ZW10: variants seen among roughly 807,000 people sequenced by gnomAD.
ZW10 encodes the protein centromere/kinetochore protein zw10 homolog.
Under a neutral mutation model 87.8 loss-of-function variants are expected in ZW10, and 53 were observed. The observed-to-expected ratio is 0.60, with a 90% confidence interval of 0.48 to 0.76. The LOEUF is 0.76. Ranked by LOEUF, ZW10 falls within the 30% of genes least tolerant of loss-of-function variation. ZW10 has a pLI of 0.00. For missense variants in ZW10, 837 were observed against 923.0 expected, an observed-to-expected ratio of 0.91 and a Z score of 1.21; for synonymous variants, 312 against 329.2, an observed-to-expected ratio of 0.95 and a Z score of 0.57.
intron 3 of ZW10, 92 bp from the exon 4 acceptor site, chr11:113,760,682 TC>T (rs1953848346): frequency 1.8e-5 from 13 of 707,728 alleles, no homozygotes; most frequent in East Asian, 6.9e-5. Flanking sequence ...TCCCTCCCCC[TC>T]CCCCCTCTAA....
intron 9 of ZW10, among the ~76,000 whole-genome samples, chr11:113,746,436 T>C (rs1218535978): frequency 6.9e-6 from 1 of 145,090 alleles, no homozygotes; most frequent in Non-Finnish European, 1.5e-5. Context: ...TACATAGTAG[T>C]AGTATGTATG....
At chr11:113,772,487 A>C (rs181703285) in intron 1 of ZW10, among the ~76,000 whole-genome samples, 181 of 152,308 alleles carry the variant, frequency 1.2e-3, no homozygotes, top group African/African-American at 3.8e-3. Flanking sequence ...TACTTGACTC[A>C]GATACACAAA....
Position 113,736,636 on chromosome 11 carries a change from G to C in ZW10, c.2203C>G (p.Gln735Glu). Residue 735 changes from glutamine (Q) to glutamate (E), a missense_variant, in exon 15 of 16, where the codon CAA becomes GAA. Transcript: ENST00000200135. The part of the protein sequence containing the change: ...ELMMMLQASL[Q>E]EIGDRWADGK... ...TATACATACCGATCCCCAATTTCTT[G>C]CAAGCTGGCTTGTAGCATCATCATC... The C allele has an allele frequency of 6.2e-7, 1 of 1,614,148 alleles. No individual in the cohort carries two copies. Among genetic ancestry groups the C allele is most frequent in the Non-Finnish European group, 8.5e-7 (1 of 1,180,010 alleles).
intron 7 of ZW10, among the ~76,000 whole-genome samples, chr11:113,748,888 T>C (rs891867717): frequency 2.6e-5 from 4 of 152,240 alleles, no homozygotes; most frequent in African/African-American, 9.6e-5. Flanking sequence ...CTCTACAGTA[T>C]ATGTTATGGT....
chr11:113,733,865 A>T (rs1328262295), intron 15 of ZW10, 51 bp from the exon 16 acceptor site: 1 of 1,525,264 alleles, frequency 6.6e-7, no homozygotes, highest in Non-Finnish European at 8.8e-7. Flanking sequence ...CTGAAGTATA[A>T]GCAAGACTTA....
Position 113,747,522 on chromosome 11 carries a change from C to T in ZW10, c.1272+9G>A, listed in dbSNP as rs1216401471. The T allele has an allele frequency of 1.2e-6, 2 of 1,608,852 alleles. No individual in the cohort carries two copies. The highest frequency in any genetic ancestry group is 3.3e-5 in the Admixed American group (2 of 59,820). On this transcript the variant is annotated intron_variant, in intron 9 of 15. Coordinates refer to ENST00000200135, the MANE Select transcript of ZW10 (RefSeq NM_004724.4). ...ATGTTTCATATACAATGCAATATAACACTGGTACCTTCACAGTGTTATGAA... is the reference window on the plus strand; with the variant it reads ...ATGTTTCATATACAATGCAATATAATACTGGTACCTTCACAGTGTTATGAA...
intron 2 of ZW10, among the ~76,000 whole-genome samples, chr11:113,763,456 C>T (rs146047944): frequency 0.078 from 11,845 of 152,230 alleles, 565 homozygotes; most frequent in African/African-American, 0.13. Flanking sequence ...TCTTCCACAA[C>T]AGTTGAACTA....
chr11:113,738,495 C>T (rs368764118), intron 12 of ZW10, 101 bp from the exon 13 acceptor site: 31 of 1,129,662 alleles, frequency 2.7e-5, no homozygotes, highest in East Asian at 2.5e-4. Context: ...TCTGTTCTGC[C>T]TATATAAAAA....
chr11:113,733,945 C>G (rs1232366611), intron 15 of ZW10, 131 bp from the exon 16 acceptor site: 1 of 1,141,168 alleles, frequency 8.8e-7, no homozygotes, highest in Non-Finnish European at 1.2e-6. Context: ...GGCATCTTTC[C>G]TCTTCTTTAT....
chr11:113,734,353 C>T lies in ZW10; in HGVS notation c.2220-539G>A, dbSNP rs143270930. Among the ~76,000 whole-genome samples, 1,090 of 152,290 alleles carry T rather than the reference C, an allele frequency of 7.2e-3. 6 individuals carry two copies. Among genetic ancestry groups the T allele is most frequent in the South Asian group, 0.052 (249 of 4,822 alleles). The stretch of plus-strand genomic sequence containing the variant: ...GAAATGCAAATTAAAATGACAATAA[C>T]CTATCATTGCATGCCAATTAGATCA... On this transcript the variant is annotated intron_variant, in intron 15 of 15. Transcript: ENST00000200135.
At chr11:113,753,122 C>G (rs1953750751) in intron 7 of ZW10, among the ~76,000 whole-genome samples, 1 of 151,948 alleles carries the variant, frequency 6.6e-6, no homozygotes, top group Non-Finnish European at 1.5e-5. Flanking sequence ...TATTGCATCA[C>G]CCAGGTATTA....
At position 113,760,274 on chromosome 11, in the gene ZW10, TTC is replaced by T. The variant is rs762168896; in HGVS notation, c.513_514del (p.Asn172HisfsTer33). The T allele has an allele frequency of 2.5e-6, 4 of 1,614,040 alleles. No individual in the cohort carries two copies. The African/African-American group carries it at 5.3e-5, about 22-fold the overall frequency. The stretch of plus-strand genomic sequence containing the variant: ...CTCTTCTCCAAGGTGATAAAGTATG[TTC>T]TGTTTCTGTATTGTGAGCTCCATGC... On this transcript the variant is annotated frameshift_variant, in exon 5 of 16. Transcript: ENST00000200135. LOFTEE classifies it high-confidence loss of function.
intron 2 of ZW10, among the ~76,000 whole-genome samples, chr11:113,767,688 AC>A (rs1953923105): frequency 6.6e-6 from 1 of 151,088 alleles, no homozygotes; most frequent in South Asian, 2.1e-4. Flanking sequence ...TTGCTTAAAA[AC>A]CTCTATGGGT....
chr11:113,733,853 C>T, intron 15 of ZW10, 39 bp from the exon 16 acceptor site: 2 of 1,551,458 alleles, frequency 1.3e-6, no homozygotes, highest in Non-Finnish European at 1.7e-6. Flanking sequence ...CCTATTAGGT[C>T]TCTGAAGTAT....
intron 11 of ZW10, among the ~76,000 whole-genome samples, chr11:113,740,115 G>A (rs1020654464): frequency 8.6e-5 from 13 of 151,954 alleles, no homozygotes; most frequent in Non-Finnish European, 1.3e-4. Context: ...ATACAAGTCA[G>A]AAGCCAACAA....
chr11:113,739,545 G>C (rs141796271), intron 11 of ZW10, among the ~76,000 whole-genome samples, 163 bp from the exon 12 acceptor site: 1 of 152,296 alleles, frequency 6.6e-6, no homozygotes, highest in East Asian at 1.9e-4. Context: ...CACTCCCAGA[G>C]GGAGGCTGTT....
intron 2 of ZW10, among the ~76,000 whole-genome samples, chr11:113,766,324 C>T (rs745676704): frequency 2.0e-4 from 30 of 151,868 alleles, no homozygotes; most frequent in Non-Finnish European, 1.8e-4. Context: ...TTGACTGTGC[C>T]ACCCCACTCC....
rs1953510459 is a variant in ZW10 at position 113,733,277 on chromosome 11, C to T, written c.*417G>A. On this transcript the variant is annotated 3_prime_UTR_variant, in exon 16 of 16. Coordinates refer to ENST00000200135, the MANE Select transcript of ZW10 (RefSeq NM_004724.4). ...AATATGGTGGCCCATTCCTCCCTTC[C>T]CCTCCTCCACACCCCTAAAATATCT... 6.4e-6 allele frequency: 1 copy of T among 156,708 alleles called. No individual in the cohort carries two copies. The highest frequency in any genetic ancestry group is 2.0e-4 in the South Asian group (1 of 5,048). 9.7% of individuals were successfully genotyped at this position (156,708 alleles called of 1,614,324 possible). A position where few individuals can be genotyped will look rare whatever the true frequency, so the allele number is the denominator to read the frequency against.
intron 7 of ZW10, among the ~76,000 whole-genome samples, chr11:113,754,650 T>C (rs970562127): frequency 6.6e-6 from 1 of 152,108 alleles, no homozygotes; most frequent in African/African-American, 2.4e-5. Flanking sequence ...CTCTTGCTGT[T>C]ACCCAGGAGT....
Sources: gnomAD v4.1 joint callset for allele counts (sites outside exome capture counted in the v4.1 genomes callset) on GRCh38, gnomAD v4.1.1 for gene constraint, MANE v1.5 for transcripts, NCBI Gene and HGNC (gene_info 2026-07-23, HGNC 2026-07-21) for gene names.